LYST: variants seen among roughly 807,000 people sequenced by gnomAD.
The protein encoded by LYST is lysosomal-trafficking regulator.
A neutral mutation model predicts 413.6 loss-of-function variants in LYST; 192 were observed. That is an observed-to-expected ratio of 0.46 (90% CI 0.41 to 0.52). LYST has a LOEUF of 0.52. Among genes scored for constraint, LYST ranks in the 20% least tolerant of loss-of-function variants. The pLI is 0.00. For synonymous variants in LYST, 1,525 were observed against 1,567.3 expected, an observed-to-expected ratio of 0.97 and a Z score of 0.64; for missense variants, 3,815 against 4,499.9, an observed-to-expected ratio of 0.85 and a Z score of 4.35.
At chr1:235,695,363 C>T (rs76942883) in intron 46 of LYST, among the ~76,000 whole-genome samples, 3,736 of 152,314 alleles carry the variant, frequency 0.025, 149 homozygotes, top group African/African-American at 0.085. Flanking sequence ...TCAGGAACTG[C>T]CTGTGGAGGC....
At chr1:235,816,464 T>TAA (rs1189960579) in intron 3 of LYST, among the ~76,000 whole-genome samples, 97 of 105,092 alleles carry the variant, frequency 9.2e-4, no homozygotes, top group African/African-American at 4.3e-3. Context: ...AAATAAAAAA[T>TAA]AAAAATAAAA....
At chr1:235,856,228 T>C (rs1679177532) in intron 1 of LYST, among the ~76,000 whole-genome samples, 1 of 152,146 alleles carries the variant, frequency 6.6e-6, no homozygotes. Context: ...AATTACATAT[T>C]GAAAACCAAA....
intron 1 of LYST, among the ~76,000 whole-genome samples, chr1:235,847,098 A>G (rs1460891552): frequency 6.6e-6 from 1 of 152,194 alleles, no homozygotes; most frequent in Non-Finnish European, 1.5e-5. Context: ...AGTTAAGATG[A>G]AGGAAAGAAT....
intron 36 of LYST, 46 bp downstream of exon 36, chr1:235,730,801 T>G: frequency 9.2e-7 from 1 of 1,085,342 alleles, no homozygotes; most frequent in Non-Finnish European, 1.4e-6. Context: ...TACAATAAGC[T>G]GTTGTATATT....
At chr1:235,801,890 G>C (rs1226302545) in intron 8 of LYST, among the ~76,000 whole-genome samples, 1 of 152,134 alleles carries the variant, frequency 6.6e-6, no homozygotes, top group Non-Finnish European at 1.5e-5. Flanking sequence ...ATATCCTACT[G>C]AGAACTCAGT....
At chr1:235,818,042 T>C (rs1225117348) in intron 3 of LYST, among the ~76,000 whole-genome samples, 1 of 152,190 alleles carries the variant, frequency 6.6e-6, no homozygotes, top group African/African-American at 2.4e-5. Context: ...GCAATGTACA[T>C]CTTTCCAGAA....
At chr1:235,799,648 T>C (rs1420776559) in intron 10 of LYST, among the ~76,000 whole-genome samples, 1 of 152,192 alleles carries the variant, frequency 6.6e-6, no homozygotes, top group East Asian at 1.9e-4. Context: ...GCAATCATAT[T>C]ATACATTCAT....
chr1:235,715,212 A>G lies in LYST; in HGVS notation c.9773T>C (p.Leu3258Ser). The change falls in exon 42 of 53, where the codon TTA (leucine) becomes TCA (serine). Residue 3258 changes from leucine to serine, a missense_variant. Coordinates refer to ENST00000389793, the MANE Select transcript of LYST (RefSeq NM_000081.4). ...VRMPPFTKMF[L>S]AYQDQSFDIP... ...TATTAAATTCTTACCTTGATAGGCT[A>G]AAAACATTTTAGTGAAAGGAGGCAT... 2 of 1,613,880 alleles carry G rather than the reference A, an allele frequency of 1.2e-6. No homozygotes were observed. Among genetic ancestry groups the G allele is most frequent in the Non-Finnish European group, 1.7e-6 (2 of 1,179,816 alleles).
chr1:235,736,353 A>G (rs891375939), intron 31 of LYST: 1 of 152,130 alleles, frequency 6.6e-6, no homozygotes, highest in Non-Finnish European at 1.5e-5. Context: ...ACAGAAAGGG[A>G]GAAAGGTTTT....
chr1:235,755,998 A>AATCTATATCTATATCTAT (rs59482097), intron 24 of LYST, among the ~76,000 whole-genome samples: 397 of 142,848 alleles, frequency 2.8e-3, no homozygotes, highest in African/African-American at 7.0e-3. Context: ...TCTCTCTGCA[A>AATCTATATCTATATCTAT]ATCTATATCT....
chr1:235,684,101 C>A (rs1037705228), intron 48 of LYST, among the ~76,000 whole-genome samples: 6 of 152,198 alleles, frequency 3.9e-5, no homozygotes, highest in Admixed American at 2.0e-4. Flanking sequence ...CATAAGCCTT[C>A]ACAAGTGTGT....
intron 31 of LYST, among the ~76,000 whole-genome samples, chr1:235,741,042 G>C (rs979236272): frequency 6.6e-6 from 1 of 152,058 alleles, no homozygotes; most frequent in African/African-American, 2.4e-5. Context: ...ATATATTTTT[G>C]AGATATGTTA....
chr1:235,826,306 A>G (rs1162674165), intron 3 of LYST, among the ~76,000 whole-genome samples: 1 of 152,222 alleles, frequency 6.6e-6, no homozygotes, highest in South Asian at 2.1e-4. Context: ...AAATGAAAAC[A>G]TATCCAAGGA....
In LYST at chr1:235,712,157, T is replaced by C. The variant is rs1188072059; in HGVS notation, c.9825A>G (p.Thr3275=). 6 of 1,584,736 alleles carry C rather than the reference T, an allele frequency of 3.8e-6. No individual in the cohort carries two copies. Among genetic ancestry groups the C allele is most frequent in the Non-Finnish European group, 5.2e-6 (6 of 1,161,510 alleles). The change falls in exon 43 of 53, where the codon ACA becomes ACG. Residue 3275 remains threonine (T), a synonymous_variant. Coordinates refer to ENST00000389793, the MANE Select transcript of LYST (RefSeq NM_000081.4). ...FDIPDRTFHS[T]NTTWRLSSFE... ...AAGATGAGAGTCGCCAAGTTGTATT[T>C]GTAGAATGAAAAGTTCTGTCTGGAA...
At chr1:235,703,133 C>T (rs534003251) in intron 44 of LYST, among the ~76,000 whole-genome samples, 156 bp from the exon 45 acceptor site, 1 of 152,274 alleles carries the variant, frequency 6.6e-6, no homozygotes, top group Non-Finnish European at 1.5e-5. Context: ...TCACTGAGAT[C>T]AGAAGTATCA....
chr1:235,729,684 T>A (rs1319260930), intron 36 of LYST, 27 bp from the exon 37 acceptor site: 1 of 1,513,060 alleles, frequency 6.6e-7, no homozygotes, highest in South Asian at 1.1e-5. Context: ...AAAATTACTA[T>A]GACTAAATGT....
At chr1:235,811,192 T>C (rs1198336418) in intron 4 of LYST, among the ~76,000 whole-genome samples, 4 of 152,130 alleles carry the variant, frequency 2.6e-5, no homozygotes, top group Non-Finnish European at 5.9e-5. Flanking sequence ...AAAGTAAATC[T>C]GATTTAAAAC....
intron 50 of LYST, among the ~76,000 whole-genome samples, chr1:235,675,817 G>T (rs1233058087): frequency 6.6e-6 from 1 of 152,184 alleles, no homozygotes; most frequent in Non-Finnish European, 1.5e-5. Context: ...CAAACTTCTA[G>T]TGTCACAATT....
intron 1 of LYST, chr1:235,840,138 A>C (rs1464775974): frequency 6.6e-6 from 1 of 152,214 alleles, no homozygotes; most frequent in African/African-American, 2.4e-5. Flanking sequence ...TAAGAACATA[A>C]AGTAATTCCA....
Sources: allele counts gnomAD v4.1 joint callset (sites outside exome capture counted in the v4.1 genomes callset), GRCh38; gene constraint gnomAD v4.1.1; transcripts MANE v1.5; gene names NCBI Gene and HGNC (gene_info 2026-07-23, HGNC 2026-07-21).